The following CSMD1 variants were observed in gnomAD, a reference collection of about 807,000 sequenced individuals.
CSMD1 encodes CUB and sushi domain-containing protein 1.
A neutral mutation model predicts 417.5 loss-of-function variants in CSMD1; 213 were observed. The ratio of observed to expected loss-of-function variants is 0.51; its 90% CI spans 0.46 to 0.57. The LOEUF is 0.57. Ranked by LOEUF, CSMD1 falls within the 20% of genes least tolerant of loss-of-function variation. The pLI, the probability that CSMD1 is intolerant of heterozygous loss-of-function variation, is 0.00. For synonymous variants in CSMD1, 2,862 were observed against 1,736.8 expected (o/e 1.65, Z -16.11); for missense variants, 6,923 against 4,529.7 (o/e 1.53, Z -15.17).
At chr8:4,602,176 C>G (rs1449308535) in intron 2 of CSMD1, among the ~76,000 whole-genome samples, 2 of 152,130 alleles carry the variant, frequency 1.3e-5, no homozygotes, top group African/African-American at 4.8e-5. Context: ...AAAATTAATT[C>G]CCTTATTTCA....
At position 3,591,032 on chromosome 8, in the gene CSMD1, G is replaced by C. The variant is rs192215874; in HGVS notation, c.1098-4772C>G. 5.9e-5 allele frequency among the ~76,000 whole-genome samples: 9 copies of C among 152,256 alleles called. No homozygotes were observed. In the East Asian group the frequency reaches 1.7e-3, roughly 29 times the overall value. ...GAAGTCTCAGAGGAAAATTCCAGGAGAAAAAAGCTAGCAGTGCCTTTCTAT... is the reference window on the plus strand; with the variant it reads ...GAAGTCTCAGAGGAAAATTCCAGGACAAAAAAGCTAGCAGTGCCTTTCTAT... On this transcript the variant is annotated intron_variant, in intron 8 of 69. Coordinates refer to ENST00000635120, the MANE Select transcript of CSMD1 (RefSeq NM_033225.6).
chr8:4,305,570 G>T lies in CSMD1; in HGVS notation c.415+114383C>A, dbSNP rs140637256. Among the ~76,000 whole-genome samples the T allele has an allele frequency of 9.8e-5, 15 of 152,294 alleles. No individual in the cohort carries two copies. The East Asian group carries it at 2.9e-3, about 29-fold the overall frequency. On this transcript the variant is annotated intron_variant, in intron 3 of 69. Coordinates refer to ENST00000635120, the MANE Select transcript of CSMD1 (RefSeq NM_033225.6). ...CTGTTCTCTCTGGAATAACAGGAAAGAATGAAAAAGAGTAAAAAATTAACC... is the reference window on the plus strand; with the variant it reads ...CTGTTCTCTCTGGAATAACAGGAAATAATGAAAAAGAGTAAAAAATTAACC...
intron 5 of CSMD1, among the ~76,000 whole-genome samples, chr8:3,908,712 G>C (rs1808269330): frequency 6.6e-6 from 1 of 152,118 alleles, no homozygotes; most frequent in Admixed American, 6.5e-5. Context: ...CTTAATAGCA[G>C]GCCAGAGGTC....
intron 5 of CSMD1, among the ~76,000 whole-genome samples, chr8:3,827,067 C>T (rs574734920): frequency 2.6e-5 from 4 of 152,138 alleles, no homozygotes; most frequent in African/African-American, 9.7e-5. Flanking sequence ...TAGGCATGAG[C>T]CACCAAGCCA....
chr8:4,947,561 A>G (rs552358684), intron 1 of CSMD1, among the ~76,000 whole-genome samples: 1 of 152,116 alleles, frequency 6.6e-6, no homozygotes, highest in Non-Finnish European at 1.5e-5. Context: ...TCTGAATATA[A>G]ATTAACTTGT....
chr8:2,953,077 A>G (rs916399904), intron 65 of CSMD1, among the ~76,000 whole-genome samples: 3 of 152,198 alleles, frequency 2.0e-5, no homozygotes, highest in Non-Finnish European at 4.4e-5. Flanking sequence ...AGATATTTCA[A>G]TATCTTAAAC....
intron 2 of CSMD1, among the ~76,000 whole-genome samples, chr8:4,438,256 G>C (rs1460163185): frequency 1.3e-5 from 2 of 152,176 alleles, no homozygotes; most frequent in Non-Finnish European, 2.9e-5. Context: ...TTAGAGTGCA[G>C]TTCTTTAAGG....
chr8:4,917,061 A>C (rs928795140), intron 1 of CSMD1, among the ~76,000 whole-genome samples: 3 of 152,196 alleles, frequency 2.0e-5, no homozygotes, highest in Admixed American at 6.5e-5. Context: ...TAATTGGCTC[A>C]GGTTCGGTAG....
intron 1 of CSMD1, among the ~76,000 whole-genome samples, chr8:4,723,198 G>A (rs1279927388): frequency 6.6e-6 from 1 of 152,158 alleles, no homozygotes; most frequent in African/African-American, 2.4e-5. Flanking sequence ...CCGCCAGGAA[G>A]TCATAGAGTA....
At chr8:3,825,894 A>C (rs1008808992) in intron 5 of CSMD1, among the ~76,000 whole-genome samples, 4 of 152,254 alleles carry the variant, frequency 2.6e-5, no homozygotes, top group South Asian at 4.1e-4. Flanking sequence ...CCAAGGTATC[A>C]TGACAAAATC....
chr8:3,973,461 T>G (rs1275553735), intron 5 of CSMD1, among the ~76,000 whole-genome samples: 1 of 152,234 alleles, frequency 6.6e-6, no homozygotes, highest in Non-Finnish European at 1.5e-5. Context: ...TATGTTGCAA[T>G]ATTTCTGAAG....
chr8:4,570,128 C>G (rs1585264717), intron 2 of CSMD1, among the ~76,000 whole-genome samples: 1 of 152,074 alleles, frequency 6.6e-6, no homozygotes, highest in Admixed American at 6.6e-5. Context: ...AATACTCTTT[C>G]TTTCTTTCTC....
At chr8:3,621,977 TTGTGTGTGTGTGTATGTGTGTGTGTG>T (rs1468091285) in intron 7 of CSMD1, among the ~76,000 whole-genome samples, 1 of 124,732 alleles carries the variant, frequency 8.0e-6, no homozygotes, top group Non-Finnish European at 1.7e-5. Flanking sequence ...CTCTCTCTCT[TTGTGTGTGTGTGTATGTGTGTGTGTG>T]TGTGTGTGTG....
intron 1 of CSMD1, among the ~76,000 whole-genome samples, chr8:4,873,332 G>A (rs183702380): frequency 1.3e-5 from 2 of 152,200 alleles, no homozygotes; most frequent in Non-Finnish European, 2.9e-5. Context: ...CAAACAGTGA[G>A]ATATGTGTGT....
At position 4,095,783 on chromosome 8, in the gene CSMD1, G is replaced by A. The variant is rs188852375; in HGVS notation, c.416-63684C>T. 1.7e-4 allele frequency among the ~76,000 whole-genome samples: 26 copies of A among 152,196 alleles called. 1 individual carries two copies. In the East Asian group the frequency reaches 4.8e-3, roughly 28 times the overall value. ...TCCTATTACGTGAATTCAGTTCTAAGGTTTTATATATGTATTTGTATGCAT... is the reference window on the plus strand; with the variant it reads ...TCCTATTACGTGAATTCAGTTCTAAAGTTTTATATATGTATTTGTATGCAT... On this transcript the variant is annotated intron_variant, in intron 3 of 69. Coordinates refer to ENST00000635120, the MANE Select transcript of CSMD1 (RefSeq NM_033225.6).
chr8:4,024,350 T>C (rs1796951302), intron 4 of CSMD1, among the ~76,000 whole-genome samples: 1 of 152,170 alleles, frequency 6.6e-6, no homozygotes. Context: ...GGTTAAATCT[T>C]ATGGATTCTG....
At chr8:4,081,960 C>G (rs1023554890) in intron 3 of CSMD1, among the ~76,000 whole-genome samples, 1 of 151,878 alleles carries the variant, frequency 6.6e-6, no homozygotes, top group Admixed American at 6.6e-5. Flanking sequence ...CATATAAACT[C>G]AATTATTTAA....
At chr8:3,668,668 G>A (rs1364618856) in intron 7 of CSMD1, among the ~76,000 whole-genome samples, 1 of 152,126 alleles carries the variant, frequency 6.6e-6, no homozygotes, top group African/African-American at 2.4e-5. Flanking sequence ...TCAGTCTGAG[G>A]TGTCCAGAGA....
chr8:4,019,577 G>C (rs909493336), intron 4 of CSMD1, among the ~76,000 whole-genome samples: 2 of 152,078 alleles, frequency 1.3e-5, no homozygotes, highest in African/African-American at 2.4e-5. Context: ...TGTGTTTTAC[G>C]GTCTGCTCTT....
Sources: gnomAD v4.1 joint callset for allele counts (sites outside exome capture counted in the v4.1 genomes callset) on GRCh38, gnomAD v4.1.1 for gene constraint, MANE v1.5 for transcripts, NCBI Gene and HGNC (gene_info 2026-07-23, HGNC 2026-07-21) for gene names.